PAICS: variants seen among roughly 807,000 people sequenced by gnomAD.
The protein encoded by PAICS is bifunctional phosphoribosylaminoimidazole carboxylase/phosphoribosylaminoimidazole succinocarboxamide synthetase.
Under a neutral mutation model 53.7 loss-of-function variants are expected in PAICS, and 33 were observed. The ratio of observed to expected loss-of-function variants is 0.61; its 90% CI spans 0.47 to 0.82. The LOEUF (loss-of-function observed/expected upper bound fraction) is 0.82. PAICS is among the 40% of genes least tolerant of loss of function. The pLI is 0.00. For missense variants in PAICS, 394 were observed against 494.1 expected (o/e 0.80, Z 1.92); for synonymous variants, 141 against 167.2 (o/e 0.84, Z 1.21).
intron 1 of PAICS, among the ~76,000 whole-genome samples, chr4:56,438,889 T>G (rs1466565148): frequency 6.6e-6 from 1 of 152,214 alleles, no homozygotes; most frequent in African/African-American, 2.4e-5. Flanking sequence ...AGTGGCTGCC[T>G]TATTGGACAG....
the PAICS span, among the ~76,000 whole-genome samples, chr4:56,419,435 T>A: frequency 1.3e-5 from 2 of 152,186 alleles, no homozygotes; most frequent in African/African-American, 2.4e-5. Context: ...ACCGGCATAA[T>A]AATGGACAGA....
In PAICS at chr4:56,456,248, C is replaced by T. The variant is rs538019046; in HGVS notation, c.1111+2487C>T. 8.3e-4 allele frequency among the ~76,000 whole-genome samples: 127 copies of T among 152,234 alleles called. 1 individual carries two copies. Among genetic ancestry groups the T allele is most frequent in the African/African-American group, 2.8e-3 (116 of 41,534 alleles). On this transcript the variant is annotated intron_variant, in intron 8 of 8. Coordinates refer to ENST00000512576, the MANE Select transcript of PAICS (RefSeq NM_001079524.2). ...CTGGGATTATAGGTATGCACCACCA[C>T]GCCTGGCTAATTTTTGTATTTTTAG...
At chr4:56,444,568 A>ATT (rs1172832582) in intron 2 of PAICS, among the ~76,000 whole-genome samples, 1 of 152,088 alleles carries the variant, frequency 6.6e-6, no homozygotes, top group Non-Finnish European at 1.5e-5. Flanking sequence ...TGACATAAAC[A>ATT]TTTTTTAGTA....
rs1405340299 is a variant in PAICS, at chr4:56,450,677, TTGAG to T, written c.749_752del (p.Glu250GlyfsTer6). 3.3e-6 allele frequency: 5 copies of T among 1,530,178 alleles called. No homozygotes were observed. Among genetic ancestry groups the T allele is most frequent in the Admixed American group, 3.8e-5 (2 of 52,384 alleles). 94.8% of individuals were successfully genotyped at this position (1,530,178 alleles called of 1,614,324 possible). A position where few individuals can be genotyped will look rare whatever the true frequency, so the allele number is the denominator to read the frequency against. ...GGGCTCCAAATGGTAAAGAAAAACTTTGAGTGGGTTGCAGAGAGAGTAGAGGTAA... is the reference window on the plus strand; with the variant it reads ...GGGCTCCAAATGGTAAAGAAAAACTTTGGGTTGCAGAGAGAGTAGAGGTAA... On this transcript the variant is annotated frameshift_variant, in exon 6 of 9. Coordinates refer to ENST00000512576, the MANE Select transcript of PAICS (RefSeq NM_001079524.2). LOFTEE classifies it high-confidence loss of function.
At chr4:56,438,660 A>T (rs1718178200) in intron 1 of PAICS, among the ~76,000 whole-genome samples, 2 of 152,014 alleles carry the variant, frequency 1.3e-5, no homozygotes, top group Admixed American at 6.6e-5. Flanking sequence ...GCTGGTCTCA[A>T]ACTCCTGACC....
intron 2 of PAICS, among the ~76,000 whole-genome samples, chr4:56,442,870 C>T (rs902865666): frequency 2.0e-5 from 3 of 152,132 alleles, no homozygotes; most frequent in Non-Finnish European, 2.9e-5. Flanking sequence ...AATACATTGT[C>T]AGTGCATTCT....
chr4:56,418,177 A>T, the PAICS span, among the ~76,000 whole-genome samples: 5 of 152,090 alleles, frequency 3.3e-5, no homozygotes, highest in Admixed American at 1.3e-4. Flanking sequence ...AATGTCATGC[A>T]TGGTAGCGTG....
intron 6 of PAICS, chr4:56,450,997 T>G (rs1205332174): frequency 4.4e-6 from 1 of 224,984 alleles, no homozygotes; most frequent in African/African-American, 2.3e-5. Context: ...TTTTGTATTT[T>G]TAGTAGAGAC....
At chr4:56,435,179 G>A (rs994646244), upstream of PAICS, among the ~76,000 whole-genome samples, 9 of 152,202 alleles carry the variant, frequency 5.9e-5, no homozygotes, top group African/African-American at 2.2e-4. Flanking sequence ...TGGAAGCGAG[G>A]TGCCCCTCGT....
chr4:56,432,525 C>CAA (rs34998854), upstream of PAICS, among the ~76,000 whole-genome samples: 3,334 of 75,274 alleles, frequency 0.044, 182 homozygotes, highest in African/African-American at 0.15. Context: ...GACCCTGTCT[C>CAA]AAAAAAAAAA....
At chr4:56,449,045 T>A (rs996486198) in intron 5 of PAICS, among the ~76,000 whole-genome samples, 5 of 152,194 alleles carry the variant, frequency 3.3e-5, no homozygotes, top group Non-Finnish European at 5.9e-5. Flanking sequence ...GTTATCTTAA[T>A]AACATTGTCA....
intron 2 of PAICS, among the ~76,000 whole-genome samples, chr4:56,442,298 A>G (rs1442368365): frequency 6.6e-6 from 1 of 152,190 alleles, no homozygotes; most frequent in Admixed American, 6.5e-5. Context: ...GAAAGCCCTG[A>G]AAAGTAGTTG....
chr4:56,415,796 G>A, the PAICS span, among the ~76,000 whole-genome samples: 1 of 152,044 alleles, frequency 6.6e-6, no homozygotes, highest in African/African-American at 2.4e-5. Flanking sequence ...AAATTGTAAG[G>A]CTGGGCACAG....
chr4:56,427,381 G>A, the PAICS span, among the ~76,000 whole-genome samples: 2 of 152,162 alleles, frequency 1.3e-5, no homozygotes, highest in Non-Finnish European at 2.9e-5. Context: ...GAGTGGAATT[G>A]CTTGGTCATA....
chr4:56,436,492 C>A, intron 1 of PAICS, 164 bp downstream of exon 1: 1 of 722,158 alleles, frequency 1.4e-6, no homozygotes. Context: ...CCTCCCCGAA[C>A]TTTACTGCCT....
upstream of PAICS, among the ~76,000 whole-genome samples, chr4:56,432,703 T>C (rs1282921846): frequency 1.3e-5 from 2 of 149,044 alleles, no homozygotes; most frequent in East Asian, 3.9e-4. Flanking sequence ...GAGAATGGCG[T>C]GAACCCGGGA....
chr4:56,456,915 A>G (rs548353694), intron 8 of PAICS, among the ~76,000 whole-genome samples: 1 of 152,168 alleles, frequency 6.6e-6, no homozygotes, highest in African/African-American at 2.4e-5. Flanking sequence ...AGAGTGGAAT[A>G]CTATAAAAAA....
rs1301759960 is a variant in PAICS, at chr4:56,464,468, A to G, written c.*4930A>G. ...ACTAATTCTCCACAGTCTATACTCA[A>G]TCTCTCTTACCTTTCCATAATTTTC... is the stretch of plus-strand genomic sequence containing the variant. On this transcript the variant is annotated 3_prime_UTR_variant, in exon 9 of 9. Coordinates refer to ENST00000512576, the MANE Select transcript of PAICS (RefSeq NM_001079524.2). 4 of 152,206 alleles carry G rather than the reference A, an allele frequency of 2.6e-5. No individual in the cohort carries two copies. In the East Asian group the frequency reaches 7.7e-4, roughly 29 times the overall value. The allele number at this position is 152,206 out of a possible 1,614,324, so 9.4% of individuals were successfully genotyped here. A position where few individuals can be genotyped will look rare whatever the true frequency, so the allele number is the denominator to read the frequency against.
chr4:56,458,388 G>A (rs570968762), intron 8 of PAICS, among the ~76,000 whole-genome samples: 12 of 151,968 alleles, frequency 7.9e-5, no homozygotes, highest in South Asian at 6.2e-4. Flanking sequence ...TCTACCTAGC[G>A]TGCTAACAAT....
Sources: allele counts gnomAD v4.1 joint callset (sites outside exome capture counted in the v4.1 genomes callset), GRCh38; gene constraint gnomAD v4.1.1; transcripts MANE v1.5; gene names NCBI Gene and HGNC (gene_info 2026-07-23, HGNC 2026-07-21).